The following SH3PXD2B variants were observed in gnomAD, a reference collection of about 807,000 sequenced individuals.
SH3PXD2B encodes SH3 and PX domains 2B, also known as SH3 and PX domain-containing protein 2B.
SH3PXD2B carries 37 observed loss-of-function variants against 73.1 expected under a neutral mutation model. That is an observed-to-expected ratio of 0.51 (90% CI 0.39 to 0.67). The LOEUF (loss-of-function observed/expected upper bound fraction) is 0.67. Among genes scored for constraint, SH3PXD2B ranks in the 30% least tolerant of loss-of-function variants. SH3PXD2B has a pLI of 0.00. For synonymous variants in SH3PXD2B, 457 were observed against 480.5 expected, an observed-to-expected ratio of 0.95 and a Z score of 0.64; for missense variants, 1,053 against 1,197.8, an observed-to-expected ratio of 0.88 and a Z score of 1.78.
chr5:172,332,503 A>C (rs1158782660), downstream of SH3PXD2B, among the ~76,000 whole-genome samples: 1 of 151,342 alleles, frequency 6.6e-6, no homozygotes, highest in Non-Finnish European at 1.5e-5. Flanking sequence ...GGTTCAACAG[A>C]TCCTCCTGCC....
intron 2 of SH3PXD2B, among the ~76,000 whole-genome samples, chr5:172,410,800 G>A (rs367865766): frequency 1.2e-4 from 18 of 152,272 alleles, no homozygotes; most frequent in African/African-American, 4.3e-4. Context: ...TCTCATATAC[G>A]ATTTCATGTG....
At chr5:172,346,345 C>T in intron 11 of SH3PXD2B, 84 bp from the exon 12 acceptor site, 1 of 1,599,494 alleles carries the variant, frequency 6.3e-7, no homozygotes, top group Non-Finnish European at 8.5e-7. Context: ...GGGCCTGGGG[C>T]ATGCAATCAC....
intron 1 of SH3PXD2B, among the ~76,000 whole-genome samples, chr5:172,451,361 G>A (rs1759793197): frequency 6.6e-6 from 1 of 152,194 alleles, no homozygotes; most frequent in Non-Finnish European, 1.5e-5. Flanking sequence ...CAGTGGCTGG[G>A]GTGGGAATGT....
intron 3 of SH3PXD2B, among the ~76,000 whole-genome samples, chr5:172,404,315 T>C (rs572767249): frequency 2.1e-5 from 3 of 144,964 alleles, no homozygotes; most frequent in African/African-American, 7.4e-5. Context: ...TATATATATA[T>C]ATTTTTTTTT....
intron 5 of SH3PXD2B, among the ~76,000 whole-genome samples, chr5:172,374,452 C>A (rs1345077819): frequency 6.6e-6 from 1 of 152,136 alleles, no homozygotes; most frequent in South Asian, 2.1e-4. Flanking sequence ...GAGGCTGAGG[C>A]GGGTGGATCA....
chr5:172,361,883 C>A (rs949678217), intron 7 of SH3PXD2B, among the ~76,000 whole-genome samples: 1 of 152,132 alleles, frequency 6.6e-6, no homozygotes, highest in Admixed American at 6.5e-5. Context: ...GACCTCAACT[C>A]GCCATTGGGC....
chr5:172,368,596 T>TTATATATATAAAATATGTTA, intron 6 of SH3PXD2B, among the ~76,000 whole-genome samples: 6 of 10,830 alleles, frequency 5.5e-4, no homozygotes, highest in African/African-American at 4.3e-3. Flanking sequence ...ATAAAATATG[T>TTATATATATAAAATATGTTA]TATATATATA....
chr5:172,333,610 C>T lies in SH3PXD2B; in HGVS notation c.*4759G>A. On this transcript the variant is annotated 3_prime_UTR_variant, in exon 13 of 13. Coordinates refer to ENST00000311601, the MANE Select transcript of SH3PXD2B (RefSeq NM_001017995.3). Reference sequence around the variant, plus strand: ...TACACATGCTACAGCTAGTTGTTCTCACCCCTCCCCTCACATCCTATATAC... The same window carrying T: ...TACACATGCTACAGCTAGTTGTTCTTACCCCTCCCCTCACATCCTATATAC... The T allele has an allele frequency of 7.8e-7, 1 of 1,282,740 alleles. No homozygotes were observed. Among genetic ancestry groups the T allele is most frequent in the Admixed American group, 2.4e-5 (1 of 41,722 alleles). 79.5% of individuals were successfully genotyped at this position (1,282,740 alleles called of 1,614,324 possible).
intron 1 of SH3PXD2B, among the ~76,000 whole-genome samples, chr5:172,429,341 T>C (rs1759176857): frequency 1.6e-5 from 1 of 61,700 alleles, no homozygotes; most frequent in African/African-American, 8.5e-5. Flanking sequence ...GCAACATGTT[T>C]TGGGGGAGCA....
At chr5:172,448,415 A>G (rs1333116453) in intron 1 of SH3PXD2B, among the ~76,000 whole-genome samples, 2 of 152,148 alleles carry the variant, frequency 1.3e-5, no homozygotes, top group East Asian at 1.9e-4. Flanking sequence ...AAGTGGCGCA[A>G]TCTCGGCTCA....
chr5:172,449,687 G>T (rs1759749838), intron 1 of SH3PXD2B, among the ~76,000 whole-genome samples: 1 of 152,192 alleles, frequency 6.6e-6, no homozygotes. Flanking sequence ...GCACCTATTG[G>T]ATTGGCAAAG....
At chr5:172,429,003 G>T (rs1043668739) in intron 1 of SH3PXD2B, among the ~76,000 whole-genome samples, 1 of 152,174 alleles carries the variant, frequency 6.6e-6, no homozygotes, top group African/African-American at 2.4e-5. Flanking sequence ...CAAAGCCAAT[G>T]AACGCTTTAC....
At chr5:172,368,576 A>ATTATATATATATATAAAATATATATATAT (rs1475509398) in intron 6 of SH3PXD2B, among the ~76,000 whole-genome samples, 6 of 13,842 alleles carry the variant, frequency 4.3e-4, no homozygotes, top group African/African-American at 3.5e-3. Context: ...AAAATATGTT[A>ATTATATATATATATAAAATATATATATAT]TATATATATA....
chr5:172,407,952 A>G (rs2113433354), intron 2 of SH3PXD2B, among the ~76,000 whole-genome samples: 1 of 152,272 alleles, frequency 6.6e-6, no homozygotes, highest in African/African-American at 2.4e-5. Context: ...TTATCATCAA[A>G]TCACCTCGCC....
intron 4 of SH3PXD2B, among the ~76,000 whole-genome samples, chr5:172,383,717 A>G (rs943552398): frequency 6.6e-6 from 1 of 152,202 alleles, no homozygotes; most frequent in African/African-American, 2.4e-5. Flanking sequence ...CGTGCTCTGC[A>G]TGAGGCTGGA....
intron 6 of SH3PXD2B, 49 bp downstream of exon 6, chr5:172,373,741 G>A (rs1376571197): frequency 6.3e-7 from 1 of 1,582,060 alleles, no homozygotes; most frequent in Non-Finnish European, 8.6e-7. Flanking sequence ...TGCTCGGCTG[G>A]AGTTTGCCGA....
At chr5:172,359,572 C>T (rs188783814) in intron 7 of SH3PXD2B, among the ~76,000 whole-genome samples, 11 of 152,038 alleles carry the variant, frequency 7.2e-5, no homozygotes, top group Non-Finnish European at 7.4e-5. Context: ...AGAGCTGTGA[C>T]GTGTGCACGG....
intron 5 of SH3PXD2B, among the ~76,000 whole-genome samples, chr5:172,379,948 C>T (rs566154715): frequency 5.9e-5 from 9 of 152,320 alleles, no homozygotes; most frequent in African/African-American, 1.9e-4. Flanking sequence ...GGGGAAAATT[C>T]ACCTTCACCT....
chr5:172,361,841 TGTTAGAAACATCA>T (rs1233373543), intron 7 of SH3PXD2B, among the ~76,000 whole-genome samples: 1 of 152,212 alleles, frequency 6.6e-6, no homozygotes, highest in Non-Finnish European at 1.5e-5. Flanking sequence ...ATCCAGATGA[TGTTAGAAACATCA>T]TCTTTCTCCT....
Sources: gnomAD v4.1 joint callset for allele counts (sites outside exome capture counted in the v4.1 genomes callset) on GRCh38, gnomAD v4.1.1 for gene constraint, MANE v1.5 for transcripts, NCBI Gene and HGNC (gene_info 2026-07-23, HGNC 2026-07-21) for gene names.